The following SERHL2 variants were observed in gnomAD, a reference collection of about 807,000 sequenced individuals.
SERHL2 encodes the protein serine hydrolase like 2.
In SERHL2, 29 loss-of-function variants were observed where a neutral mutation model predicts 25.5. That is an observed-to-expected ratio of 1.14 (90% confidence interval 0.85 to 1.55). The LOEUF is 1.55. Ranked by LOEUF, SERHL2 falls within the 40% of genes most tolerant of loss-of-function variation. SERHL2 has a pLI of 0.00. For missense variants in SERHL2, 240 were observed against 252.3 expected (o/e 0.95, Z 0.33); for synonymous variants, 95 against 103.5 (o/e 0.92, Z 0.50).
intron 10 of SERHL2, among the ~76,000 whole-genome samples, 153 bp from the exon 11 acceptor site, chr22:42,572,283 A>G (rs1180959713): frequency 6.6e-6 from 1 of 152,020 alleles, no homozygotes; most frequent in African/African-American, 2.4e-5. Flanking sequence ...TGAGCCTCAA[A>G]TCCAACCCAG....
At chr22:42,554,256 G>A (rs558185459) in intron 1 of SERHL2, among the ~76,000 whole-genome samples, 2 of 152,270 alleles carry the variant, frequency 1.3e-5, no homozygotes, top group East Asian at 3.9e-4. Context: ...GGTTCCAGGA[G>A]CCCCTGAGTT....
chr22:42,556,694 C>T (rs532085689), intron 6 of SERHL2, 106 bp downstream of exon 6: 41 of 1,088,448 alleles, frequency 3.8e-5, no homozygotes, highest in East Asian at 2.4e-4. Context: ...CACGAGGAGG[C>T]GGCAGAGGGT....
Position 42,573,968 on chromosome 22 carries a change from C to T in SERHL2, c.858C>T (p.His286=), listed in dbSNP as rs773799537. 4 of 1,588,652 alleles carry T rather than the reference C, an allele frequency of 2.5e-6. No individual in the cohort carries two copies. Among genetic ancestry groups the T allele is most frequent in the Non-Finnish European group, 3.5e-6 (4 of 1,159,258 alleles). Residue 286 remains histidine (H), a synonymous_variant, in exon 12 of 12, where the codon CAC becomes CAT. Coordinates refer to ENST00000327678, the MANE Select transcript of SERHL2 (RefSeq NM_014509.5). ...AGTTTGTGGAAGTCCCAGGCAATCA[C>T]TGTGTCCACATGAGCGAACCCCAGC... ...QFQFVEVPGN[H]CVHMSEPQHV...
At chr22:42,569,791 G>A (rs1923907872) in intron 9 of SERHL2, 1 of 151,826 alleles carries the variant, frequency 6.6e-6, no homozygotes, top group Non-Finnish European at 1.5e-5. Context: ...GGGCCAGGGT[G>A]GAAACAGGGC....
At chr22:42,569,974 A>T (rs1288171852) in intron 9 of SERHL2, 2 of 151,986 alleles carry the variant, frequency 1.3e-5, no homozygotes, top group African/African-American at 4.8e-5. Flanking sequence ...ACTCAGCTGC[A>T]TTTATGAAGC....
In SERHL2 at chr22:42,573,502, C is replaced by T. The variant is rs190791651; in HGVS notation, c.826-434C>T. 2.8e-3 allele frequency: 474 copies of T among 167,998 alleles called. 4 individuals carry two copies. The highest frequency in any genetic ancestry group is 0.01 in the African/African-American group (428 of 41,718). The allele number at this position is 167,998 out of a possible 1,614,324, so 10.4% of individuals were successfully genotyped here. ...TCGTGATCCGCCCACCTTGGCCTCCCGCCTGCCTTGGCCTCCCAAAGTGCT... is the reference window on the plus strand; with the variant it reads ...TCGTGATCCGCCCACCTTGGCCTCCTGCCTGCCTTGGCCTCCCAAAGTGCT... On this transcript the variant is annotated intron_variant, in intron 11 of 11. Coordinates refer to ENST00000327678, the MANE Select transcript of SERHL2 (RefSeq NM_014509.5).
At chr22:42,556,436 T>C (rs534906807) in intron 5 of SERHL2, 78 bp from the exon 6 acceptor site, 2 of 1,585,504 alleles carry the variant, frequency 1.3e-6, no homozygotes, top group African/African-American at 2.7e-5. Context: ...TTCGGGGAAC[T>C]CCAGGGTCCC....
chr22:42,566,296 G>A lies in SERHL2; in HGVS notation c.614-8G>A, dbSNP rs765773914. On this transcript the variant is annotated splice_polypyrimidine_tract_variant and splice_region_variant and intron_variant, in intron 8 of 11. Coordinates refer to ENST00000327678, the MANE Select transcript of SERHL2 (RefSeq NM_014509.5). ...TTGACGCTGCTGTCTTTGTGCTTCC[G>A]CCTCCAGGTCTGGTTCTGAACAGAG... 5.5e-5 allele frequency: 89 copies of A among 1,611,152 alleles called. 1 individual carries two copies. Among genetic ancestry groups the A allele is most frequent in the Admixed American group, 2.5e-4 (15 of 59,984 alleles).
Position 42,574,363 on chromosome 22 carries a change from A to G in SERHL2, c.*308A>G, listed in dbSNP as rs1364145473. 2.0e-6 allele frequency: 1 copy of G among 505,626 alleles called. No individual in the cohort carries two copies. The highest frequency in any genetic ancestry group is 3.5e-6 in the Non-Finnish European group (1 of 283,136). 31.3% of individuals were successfully genotyped at this position (505,626 alleles called of 1,614,324 possible). A position where few individuals can be genotyped will look rare whatever the true frequency, so the allele number is the denominator to read the frequency against. On this transcript the variant is annotated 3_prime_UTR_variant, in exon 12 of 12. Coordinates refer to ENST00000327678, the MANE Select transcript of SERHL2 (RefSeq NM_014509.5). ...CCTGCTGCCCAACTGGATGGAAAAT[A>G]AAAGGTTCTTGTATTCTCACTGCTT...
At chr22:42,568,558 A>G (rs544662811) in intron 9 of SERHL2, among the ~76,000 whole-genome samples, 21 of 152,096 alleles carry the variant, frequency 1.4e-4, no homozygotes, top group African/African-American at 2.9e-4. Flanking sequence ...GCTGGAAGGA[A>G]GATGGTTCCC....
At position 42,572,427 on chromosome 22, in the gene SERHL2, A is replaced by T; in HGVS notation, c.732-9A>T. The T allele has an allele frequency of 6.2e-7, 1 of 1,602,224 alleles. No individual in the cohort carries two copies. The highest frequency in any genetic ancestry group is 8.5e-7 in the Non-Finnish European group (1 of 1,170,678). On this transcript the variant is annotated splice_polypyrimidine_tract_variant and intron_variant, in intron 10 of 11. Transcript: ENST00000327678. ...GAACCCCAACAACCCCCAACTCCTC[A>T]CTTTCCAGAGCAGTCCACGGATATT...
chr22:42,554,136 C>T (rs1921937395), intron 1 of SERHL2, 94 bp downstream of exon 1: 12 of 1,445,556 alleles, frequency 8.3e-6, no homozygotes, highest in Admixed American at 3.8e-5. Flanking sequence ...GTTCGCCGAC[C>T]GCGTCGCCCT....
chr22:42,569,354 G>C (rs1276490545), intron 9 of SERHL2: 8 of 151,594 alleles, frequency 5.3e-5, no homozygotes, highest in Non-Finnish European at 7.4e-5. Context: ...TGCCTCCCGG[G>C]TTCAAGCAAT....
At chr22:42,571,257 G>C (rs1321284643) in intron 10 of SERHL2, 54 bp downstream of exon 10, 2 of 1,606,976 alleles carry the variant, frequency 1.2e-6, no homozygotes, top group Non-Finnish European at 1.7e-6. Context: ...TGGGCGCCAG[G>C]AATCTCCGGG....
chr22:42,563,458 C>A (rs1569277710), intron 8 of SERHL2: 3 of 443,620 alleles, frequency 6.8e-6, no homozygotes, highest in Admixed American at 2.4e-5. Flanking sequence ...ACTGACTCGA[C>A]CTCCCAAAAT....
At chr22:42,564,229 G>A (rs1198044892) in intron 8 of SERHL2, among the ~76,000 whole-genome samples, 1 of 151,572 alleles carries the variant, frequency 6.6e-6, no homozygotes, top group Non-Finnish European at 1.5e-5. Context: ...ACAAAGTGAG[G>A]TTTGCATCTG....
rs376691493 is a variant in SERHL2, at chr22:42,571,496, G to A, written c.731+293G>A. 638 of 1,226,458 alleles carry A rather than the reference G, an allele frequency of 5.2e-4. 2 individuals carry two copies. In the East Asian group the frequency reaches 7.4e-3, roughly 14 times the overall value. 76.0% of individuals were successfully genotyped at this position (1,226,458 alleles called of 1,614,324 possible). A position where few individuals can be genotyped will look rare whatever the true frequency, so the allele number is the denominator to read the frequency against. On this transcript the variant is annotated intron_variant, in intron 10 of 11. Transcript: ENST00000327678. ...TCCATAACCAGTGAGCCCAGTCTCG[G>A]CTGACTGCAACCTCTGTCTCCTGGA...
intron 9 of SERHL2, among the ~76,000 whole-genome samples, chr22:42,567,393 G>A (rs1369575860): frequency 2.0e-5 from 3 of 151,700 alleles, no homozygotes; most frequent in African/African-American, 4.8e-5. Context: ...GGCCGGGCGC[G>A]GTGGCTCACG....
chr22:42,561,641 G>C (rs536105567), intron 8 of SERHL2, among the ~76,000 whole-genome samples: 1 of 151,784 alleles, frequency 6.6e-6, no homozygotes, highest in Non-Finnish European at 1.5e-5. Context: ...AGAATTACCA[G>C]TTGCTCAGCT....
Sources: gnomAD v4.1 joint callset for allele counts (sites outside exome capture counted in the v4.1 genomes callset) on GRCh38, gnomAD v4.1.1 for gene constraint, MANE v1.5 for transcripts, NCBI Gene and HGNC (gene_info 2026-07-23, HGNC 2026-07-21) for gene names.